The following UBXN7 variants were observed in gnomAD, a reference collection of about 807,000 sequenced individuals.
The protein encoded by UBXN7 is UBX domain protein 7.
In UBXN7, 9 loss-of-function variants were observed where a neutral mutation model predicts 58.0. The observed-to-expected ratio is 0.16, with a 90% CI of 0.09 to 0.27. The LOEUF is 0.27. Among genes scored for constraint, UBXN7 ranks in the 10% least tolerant of loss-of-function variants. The pLI is 1.00. For missense variants in UBXN7, 328 were observed against 599.6 expected (o/e 0.55, Z 4.73); for synonymous variants, 208 against 205.0 (o/e 1.01, Z -0.12).
At chr3:196,398,016 G>A (rs1729828826) in intron 3 of UBXN7, among the ~76,000 whole-genome samples, 1 of 152,196 alleles carries the variant, frequency 6.6e-6, no homozygotes, top group Non-Finnish European at 1.5e-5. Flanking sequence ...AATACCTTGA[G>A]TACAGGCAGG....
rs376058456 is a variant in UBXN7, at chr3:196,362,437, T to G, written c.1085A>C (p.Asn362Thr). The stretch of plus-strand genomic sequence containing the variant: ...TGGTGGCTCAGTCAGCGGCCTTCTA[T>G]TCTCCTCTTTTCTATGCCCCAAATC... Reference protein sequence around the residue: ...HKDLGHRKEENRRPLTEPPVR... With the variant: ...HKDLGHRKEETRRPLTEPPVR... Residue 362 changes from asparagine (N) to threonine (T), a missense_variant, in exon 9 of 11, where the codon AAT becomes ACT. This residue lies in a region of UBXN7 where 66 missense variants were observed against 77.9 expected (regional missense o/e 0.85). Transcript: ENST00000296328. 1.2e-6 allele frequency: 2 copies of G among 1,614,070 alleles called. No homozygotes were observed. Among genetic ancestry groups the G allele is most frequent in the Non-Finnish European group, 8.5e-7 (1 of 1,180,052 alleles).
intron 6 of UBXN7, among the ~76,000 whole-genome samples, chr3:196,369,725 C>A (rs1728766509): frequency 6.6e-6 from 1 of 152,344 alleles, no homozygotes; most frequent in African/African-American, 2.4e-5. Context: ...AACATATTGA[C>A]CCATTCCTCC....
chr3:196,417,065 G>C (rs1311354187), intron 1 of UBXN7, among the ~76,000 whole-genome samples: 1 of 152,208 alleles, frequency 6.6e-6, no homozygotes, highest in Non-Finnish European at 1.5e-5. Flanking sequence ...TGTAATCCCA[G>C]AACTTTGGGG....
At chr3:196,404,059 G>A (rs888025977) in intron 2 of UBXN7, among the ~76,000 whole-genome samples, 1 of 149,100 alleles carries the variant, frequency 6.7e-6, no homozygotes, top group African/African-American at 2.5e-5. Context: ...ACCAACCTTG[G>A]CAACATAGTA....
chr3:196,390,218 C>CAAA (rs559912893), intron 5 of UBXN7, among the ~76,000 whole-genome samples: 1 of 145,204 alleles, frequency 6.9e-6, no homozygotes, highest in African/African-American at 2.5e-5. Flanking sequence ...GAACCTGTCT[C>CAAA]AAAAAAAAAA....
chr3:196,383,783 G>C (rs937438102), intron 5 of UBXN7, among the ~76,000 whole-genome samples: 5 of 152,122 alleles, frequency 3.3e-5, no homozygotes, highest in African/African-American at 1.2e-4. Context: ...CAGAATCTCT[G>C]GGACACACTT....
chr3:196,397,416 C>T (rs780050422), intron 3 of UBXN7: 4 of 152,216 alleles, frequency 2.6e-5, no homozygotes, highest in Non-Finnish European at 5.9e-5. Flanking sequence ...AGATCTGCTG[C>T]TATTCTTTTA....
At chr3:196,392,347 C>CAA (rs11406393) in intron 4 of UBXN7, among the ~76,000 whole-genome samples, 15 of 142,012 alleles carry the variant, frequency 1.1e-4, no homozygotes, top group Admixed American at 1.4e-4. Flanking sequence ...ACTAAAAATA[C>CAA]AAAAAAAAAA....
At chr3:196,414,703 T>C (rs1202618474) in intron 1 of UBXN7, 3 of 152,224 alleles carry the variant, frequency 2.0e-5, no homozygotes, top group Admixed American at 6.6e-5. Context: ...GGAACAAATA[T>C]ATACTTTTCC....
At chr3:196,411,935 A>G (rs1730340679) in intron 1 of UBXN7, among the ~76,000 whole-genome samples, 1 of 152,234 alleles carries the variant, frequency 6.6e-6, no homozygotes, top group Non-Finnish European at 1.5e-5. Context: ...ATATGACTGA[A>G]AAAAGGCGGC....
Position 196,407,346 on chromosome 3 carries a change from T to G in UBXN7, c.121A>C (p.Asn41His), listed in dbSNP as rs1167371698. ...AACATAGTGACTGCCATTTCCAGATTATTGTTGCACGCTTCAAGCATATGT... is the reference window on the plus strand; with the variant it reads ...AACATAGTGACTGCCATTTCCAGATGATTGTTGCACGCTTCAAGCATATGT... ...GKHMLEACNN[N>H]LEMAVTMFLD... The change falls in exon 2 of 11, where the codon AAT becomes CAT. Residue 41 changes from asparagine to histidine, a missense_variant. By Grantham distance (68) the Asn-to-His change is moderately conservative (BLOSUM62 1). Coordinates refer to ENST00000296328, the MANE Select transcript of UBXN7 (RefSeq NM_015562.2). 7 of 1,613,896 alleles carry G rather than the reference T, an allele frequency of 4.3e-6. No homozygotes were observed. The highest frequency in any genetic ancestry group is 5.1e-6 in the Non-Finnish European group (6 of 1,180,000).
intron 1 of UBXN7, among the ~76,000 whole-genome samples, chr3:196,407,598 A>T (rs1411067988): frequency 6.6e-6 from 1 of 152,184 alleles, no homozygotes; most frequent in Non-Finnish European, 1.5e-5. Flanking sequence ...ATTTAGCAGC[A>T]TTAAAGAGTA....
At chr3:196,414,558 A>C (rs142679018) in intron 1 of UBXN7, 88 of 152,340 alleles carry the variant, frequency 5.8e-4, no homozygotes, top group African/African-American at 2.0e-3. Flanking sequence ...TACCGGCATC[A>C]TCTAGGCAGT....
intron 2 of UBXN7, 39 bp downstream of exon 2, chr3:196,407,207 G>T: frequency 6.3e-7 from 1 of 1,591,912 alleles, no homozygotes; most frequent in South Asian, 1.1e-5. Context: ...CTTAATTTAG[G>T]CAATGGATAG....
At chr3:196,381,253 C>T (rs556611719) in intron 5 of UBXN7, among the ~76,000 whole-genome samples, 4 of 152,298 alleles carry the variant, frequency 2.6e-5, no homozygotes, top group South Asian at 2.1e-4. Flanking sequence ...CTCATACAGG[C>T]GGCTGCCCCT....
intron 5 of UBXN7, among the ~76,000 whole-genome samples, chr3:196,377,820 A>C (rs903413531): frequency 6.6e-6 from 1 of 151,848 alleles, no homozygotes; most frequent in African/African-American, 2.4e-5. Flanking sequence ...ACAGGTGTGC[A>C]CCACCACGTC....
intron 1 of UBXN7, 98 bp downstream of exon 1, chr3:196,432,229 C>G: frequency 5.9e-6 from 9 of 1,514,436 alleles, no homozygotes; most frequent in Non-Finnish European, 8.1e-6. Context: ...GTGGGTAAAG[C>G]CCGAAGGAGG....
rs1403724878 is a variant in UBXN7 at position 196,351,614 on chromosome 3, CTAATT to C, written c.*5066_*5070del. On this transcript the variant is annotated 3_prime_UTR_variant, in exon 11 of 11. Coordinates refer to ENST00000296328, the MANE Select transcript of UBXN7 (RefSeq NM_015562.2). The stretch of plus-strand genomic sequence containing the variant: ...TTTGGAAAAGGACTTCAGAGATAAT[CTAATT>C]TGTTGTTCTAGAAAAGGCTGAGAAC... 5.9e-5 allele frequency: 9 copies of C among 152,252 alleles called. No individual in the cohort carries two copies. Among genetic ancestry groups the C allele is most frequent in the Admixed American group, 3.3e-4 (5 of 15,294 alleles). 9.4% of individuals were successfully genotyped at this position (152,252 alleles called of 1,614,324 possible).
At position 196,355,919 on chromosome 3, in the gene UBXN7, G is replaced by A. The variant is rs1728332637; in HGVS notation, c.*766C>T. 1 of 152,250 alleles carries A rather than the reference G, an allele frequency of 6.6e-6. No homozygotes were observed. The highest frequency in any genetic ancestry group is 2.4e-5 in the African/African-American group (1 of 41,446). The allele number at this position is 152,250 out of a possible 1,614,324, so 9.4% of individuals were successfully genotyped here. ...AGTCACCACGATAGGTTCACTTCATGTCCATTCTTGGACTAGCAGGATCAA... is the reference window on the plus strand; with the variant it reads ...AGTCACCACGATAGGTTCACTTCATATCCATTCTTGGACTAGCAGGATCAA... On this transcript the variant is annotated 3_prime_UTR_variant, in exon 11 of 11. Coordinates refer to ENST00000296328, the MANE Select transcript of UBXN7 (RefSeq NM_015562.2).
Sources: allele counts gnomAD v4.1 joint callset (sites outside exome capture counted in the v4.1 genomes callset), GRCh38; gene constraint gnomAD v4.1.1; regional missense constraint gnomAD v4.1.1; transcripts MANE v1.5; gene names NCBI Gene and HGNC (gene_info 2026-07-23, HGNC 2026-07-21).